KCNU1: variants seen among roughly 807,000 people sequenced by gnomAD.
The protein encoded by KCNU1 is potassium calcium-activated channel subfamily U member 1.
KCNU1 carries 93 observed loss-of-function variants against 126.8 expected under a neutral mutation model. The observed-to-expected ratio is 0.73, with a 90% CI of 0.62 to 0.87. The LOEUF (loss-of-function observed/expected upper bound fraction) is 0.87, where lower values mean the gene tolerates loss of function less well. Among genes scored for constraint, KCNU1 ranks in the 40% least tolerant of loss-of-function variants. The pLI, the probability that KCNU1 is intolerant of heterozygous loss-of-function variation, is 0.00. For missense variants in KCNU1, 1,330 were observed against 1,367.1 expected (o/e 0.97, Z 0.43); for synonymous variants, 523 against 494.2 (o/e 1.06, Z -0.77).
At chr8:36,794,138 C>G (rs1803008204) in intron 2 of KCNU1, among the ~76,000 whole-genome samples, 1 of 150,292 alleles carries the variant, frequency 6.7e-6, no homozygotes, top group Non-Finnish European at 1.5e-5. Flanking sequence ...AAGCAAGTCA[C>G]AGGTCATTTT....
chr8:36,892,504 C>T (rs935267012), intron 19 of KCNU1, among the ~76,000 whole-genome samples: 3 of 114,536 alleles, frequency 2.6e-5, no homozygotes, highest in Non-Finnish European at 5.0e-5. Context: ...CCCCACCCCC[C>T]ACCAGGTATG....
intron 19 of KCNU1, among the ~76,000 whole-genome samples, chr8:36,866,501 C>T (rs1805916314): frequency 1.3e-5 from 2 of 152,102 alleles, no homozygotes; most frequent in South Asian, 4.1e-4. Context: ...TATGGGAAAG[C>T]ACTGAGAAGT....
rs551652128 is a variant in KCNU1 at position 36,866,266 on chromosome 8, A to C, written c.2009+1745A>C. ...ATACAATTTACCTATTTCTTTTAAC[A>C]CACACAGAGTCCTCTTCCGTTTACC... On this transcript the variant is annotated intron_variant, in intron 19 of 26. Coordinates refer to ENST00000399881, the MANE Select transcript of KCNU1 (RefSeq NM_001031836.3). 1.8e-3 allele frequency among the ~76,000 whole-genome samples: 281 copies of C among 152,250 alleles called. 1 individual carries two copies. The highest frequency in any genetic ancestry group is 6.6e-3 in the African/African-American group (274 of 41,558).
intron 23 of KCNU1, among the ~76,000 whole-genome samples, chr8:36,919,781 C>T (rs924101227): frequency 6.6e-6 from 1 of 152,154 alleles, no homozygotes; most frequent in Non-Finnish European, 1.5e-5. Flanking sequence ...GCATAATGGG[C>T]ATTTTATGAG....
At chr8:36,816,612 G>A (rs1803922656) in intron 9 of KCNU1, among the ~76,000 whole-genome samples, 1 of 151,952 alleles carries the variant, frequency 6.6e-6, no homozygotes, top group South Asian at 2.1e-4. Flanking sequence ...AGGCCTATGG[G>A]GCACATACTA....
At chr8:36,879,014 C>A (rs1196560234) in intron 19 of KCNU1, among the ~76,000 whole-genome samples, 2 of 147,704 alleles carry the variant, frequency 1.4e-5, no homozygotes, top group Non-Finnish European at 3.0e-5. Flanking sequence ...GATAGCAAAT[C>A]ATCGGGACTT....
intron 19 of KCNU1, among the ~76,000 whole-genome samples, chr8:36,896,600 A>C (rs1051581994): frequency 1.3e-5 from 2 of 152,028 alleles, no homozygotes; most frequent in African/African-American, 4.8e-5. Context: ...AAGACATCTA[A>C]AATTTGGTGT....
chr8:36,910,954 C>T lies in KCNU1; in HGVS notation c.2356C>T (p.Leu786Phe). 1 of 1,612,684 alleles carries T rather than the reference C, an allele frequency of 6.2e-7. No individual in the cohort carries two copies. ...GGGATGTGCACTTTATTCTGGAGAC[C>T]TCCATGCGGCCAACATAGAGCAATG... ...LPGCALYSGD[L>F]HAANIEQCSM... The change falls in exon 22 of 27, where the codon CTC (leucine) becomes TTC (phenylalanine). Residue 786 changes from leucine to phenylalanine, a missense_variant. This residue lies in a region of KCNU1 where 1,054 missense variants were observed against 1,053.9 expected (regional missense o/e 1.00). Coordinates refer to ENST00000399881, the MANE Select transcript of KCNU1 (RefSeq NM_001031836.3).
intron 6 of KCNU1, 150 bp downstream of exon 6, chr8:36,807,600 C>T (rs1803552461): frequency 3.1e-6 from 2 of 645,560 alleles, no homozygotes; most frequent in South Asian, 3.7e-5. Flanking sequence ...TATTTGTTCA[C>T]ATTCTCCCAT....
At chr8:36,793,080 A>C (rs147333982) in intron 2 of KCNU1, among the ~76,000 whole-genome samples, 2,101 of 152,162 alleles carry the variant, frequency 0.014, 40 homozygotes, top group Middle Eastern at 0.031. Flanking sequence ...TGGAAACCAT[A>C]ATTCTCAGCA....
chr8:36,923,891 A>G (rs887649215), intron 24 of KCNU1, among the ~76,000 whole-genome samples: 7 of 152,248 alleles, frequency 4.6e-5, no homozygotes, highest in African/African-American at 1.4e-4. Flanking sequence ...AAGGTGCATA[A>G]GCTATGAGTT....
Position 36,808,785 on chromosome 8 carries a change from A to G in KCNU1, c.724A>G (p.Ile242Val), listed in dbSNP as rs370547788. The G allele has an allele frequency of 6.8e-6, 11 of 1,609,498 alleles. No individual in the cohort carries two copies. The highest frequency in any genetic ancestry group is 1.1e-5 in the South Asian group (1 of 90,426). ...LSTWFTAAGF[I>V]HLVENSGDPW... ...TACCTGGTTCACAGCTGCGGGATTC[A>G]TTCACCTGGTAAGCATCTCATCACA... Residue 242 changes from isoleucine (I) to valine (V), a missense_variant, in exon 7 of 27, where the codon ATT (isoleucine) becomes GTT (valine). Transcript: ENST00000399881.
At chr8:36,919,464 G>A (rs1296516818) in intron 23 of KCNU1, among the ~76,000 whole-genome samples, 1 of 142,056 alleles carries the variant, frequency 7.0e-6, no homozygotes, top group East Asian at 2.1e-4. Flanking sequence ...AGAATTAACA[G>A]AATATGCTGT....
intron 23 of KCNU1, among the ~76,000 whole-genome samples, chr8:36,920,980 G>A (rs1249790506): frequency 6.6e-6 from 1 of 152,152 alleles, no homozygotes; most frequent in Non-Finnish European, 1.5e-5. Context: ...TGAGTTGCTT[G>A]TCCAGCAGAT....
intron 26 of KCNU1, among the ~76,000 whole-genome samples, chr8:36,933,307 C>T (rs1434694532): frequency 6.6e-6 from 1 of 152,050 alleles, no homozygotes; most frequent in African/African-American, 2.4e-5. Flanking sequence ...AAATCAGCTC[C>T]ATGTTTCAAT....
At chr8:36,791,875 T>G (rs1278768641) in intron 2 of KCNU1, among the ~76,000 whole-genome samples, 1 of 152,148 alleles carries the variant, frequency 6.6e-6, no homozygotes, top group African/African-American at 2.4e-5. Context: ...TGTATCTTTG[T>G]TTTTTTCCAC....
rs138513321 is a variant in KCNU1, at chr8:36,838,060, G to A, written c.1518+1115G>A. 5.9e-5 allele frequency among the ~76,000 whole-genome samples: 9 copies of A among 152,262 alleles called. No individual in the cohort carries two copies. The East Asian group carries it at 9.6e-4, about 16-fold the overall frequency. ...ACGGAATGCTTCTGTAATTCCTTCC[G>A]TGAATGTAAAGAGATGTAATATACA... On this transcript the variant is annotated intron_variant, in intron 14 of 26. Coordinates refer to ENST00000399881, the MANE Select transcript of KCNU1 (RefSeq NM_001031836.3).
Position 36,935,673 on chromosome 8 carries a change from C to A in KCNU1, c.3203C>A (p.Thr1068Lys). The A allele has an allele frequency of 6.2e-7, 1 of 1,613,414 alleles. No individual in the cohort carries two copies. The highest frequency in any genetic ancestry group is 8.5e-7 in the Non-Finnish European group (1 of 1,179,546). ...IVNKASQTTETHSDTNCPPTI... is the reference protein window; with the variant it reads ...IVNKASQTTEKHSDTNCPPTI... ...AATAAAGCATCACAGACAACAGAGA[C>A]ACATTCAGACACAAATTGTCCTCCC... The change falls in exon 27 of 27, where the codon ACA (threonine) becomes AAA (lysine). Residue 1068 changes from threonine (T) to lysine (K), a missense_variant. Transcript: ENST00000399881.
At chr8:36,836,547 T>C (rs1346294427) in intron 13 of KCNU1, among the ~76,000 whole-genome samples, 182 bp downstream of exon 13, 1 of 152,180 alleles carries the variant, frequency 6.6e-6, no homozygotes, top group Non-Finnish European at 1.5e-5. Context: ...GAAGTTTAAG[T>C]CATTTGACCT....
Sources: gnomAD v4.1 joint callset for allele counts (sites outside exome capture counted in the v4.1 genomes callset) on GRCh38, gnomAD v4.1.1 for gene constraint, gnomAD v4.1.1 regional missense constraint, MANE v1.5 for transcripts, NCBI Gene and HGNC (gene_info 2026-07-23, HGNC 2026-07-21) for gene names.